The following PRRX1 variants were observed in gnomAD, a reference collection of about 807,000 sequenced individuals.
PRRX1 encodes paired related homeobox 1.
A neutral mutation model predicts 24.0 loss-of-function variants in PRRX1; 8 were observed. The ratio of observed to expected loss-of-function variants is 0.33; its 90% CI spans 0.20 to 0.60. PRRX1 has a LOEUF of 0.60. Among genes scored for constraint, PRRX1 ranks in the 20% least tolerant of loss-of-function variants. The pLI, the probability that PRRX1 is intolerant of heterozygous loss-of-function variation, is 0.82. For missense variants in PRRX1, 281 were observed against 322.4 expected (o/e 0.87, Z 0.98); for synonymous variants, 160 against 131.7 (o/e 1.22, Z -1.47).
chr1:170,711,711 C>A (rs1654759273), intron 1 of PRRX1, among the ~76,000 whole-genome samples: 1 of 152,052 alleles, frequency 6.6e-6, no homozygotes, highest in South Asian at 2.1e-4. Flanking sequence ...AGTCTCAGTG[C>A]AAAGGGAAAA....
chr1:170,719,885 C>G lies in PRRX1; in HGVS notation c.401C>G (p.Thr134Ser), dbSNP rs1655026602. Residue 134 changes from threonine (T) to serine (S), a missense_variant, in exon 2 of 4, where the codon ACC (threonine) becomes AGC (serine). Physicochemically the swap from Thr to Ser is moderately conservative, Grantham distance 58. Transcript: ENST00000239461. ...REDLARRVNL[T>S]EARVQVWFQN... is the part of the protein sequence containing the mutation. Reference sequence around the variant, plus strand: ...GACCTTGCCCGCCGGGTGAACCTCACCGAGGCGAGAGTGCAGGTAACTCAA... The same window carrying G: ...GACCTTGCCCGCCGGGTGAACCTCAGCGAGGCGAGAGTGCAGGTAACTCAA... 1.9e-6 allele frequency: 3 copies of G among 1,614,044 alleles called. No homozygotes were observed. The highest frequency in any genetic ancestry group is 2.5e-6 in the Non-Finnish European group (3 of 1,179,986).
chr1:170,729,460 A>G (rs1196543321), intron 3 of PRRX1, among the ~76,000 whole-genome samples: 6 of 152,170 alleles, frequency 3.9e-5, no homozygotes, highest in Non-Finnish European at 8.8e-5. Flanking sequence ...AGTTATTTGC[A>G]TATGGTCAGA....
In PRRX1 at chr1:170,719,960, GAAAACTGT is replaced by G. The variant is rs1027623306; in HGVS notation, c.417+60_417+67del. The G allele has an allele frequency of 4.4e-6, 7 of 1,596,228 alleles. No homozygotes were observed. In the African/African-American group the frequency reaches 9.4e-5, roughly 21 times the overall value. On this transcript the variant is annotated intron_variant, in intron 2 of 3. Transcript: ENST00000239461. ...GTACCCTCCTCAGAGGCACATCTCT[GAAAACTGT>G]TTAAAAACACAAATTATAGCCCAGC... is the stretch of plus-strand genomic sequence containing the variant.
intron 2 of PRRX1, among the ~76,000 whole-genome samples, chr1:170,721,758 C>G (rs1655091925): frequency 6.6e-6 from 1 of 152,122 alleles, no homozygotes; most frequent in African/African-American, 2.4e-5. Flanking sequence ...TCTTCCCACA[C>G]CCTCTTCCTC....
intron 1 of PRRX1, among the ~76,000 whole-genome samples, chr1:170,666,878 G>T (rs1186746370): frequency 6.6e-6 from 1 of 152,010 alleles, no homozygotes; most frequent in African/African-American, 2.4e-5. Context: ...GCTATGGAGC[G>T]CCCCCGAGCA....
Position 170,730,237 on chromosome 1 carries a change from G to A in PRRX1, c.599+3836G>A, listed in dbSNP as rs114108551. 969 of 1,506,638 alleles carry A rather than the reference G, an allele frequency of 6.4e-4. 10 individuals are homozygous for A. In the African/African-American group the frequency reaches 0.011, roughly 18 times the overall value. 93.3% of individuals were successfully genotyped at this position (1,506,638 alleles called of 1,614,324 possible). ...TGGTGCTGCCTGACATCTGCTGAACGCATTTGGCTTATTTCTCCCTTTCAC... is the reference window on the plus strand; with the variant it reads ...TGGTGCTGCCTGACATCTGCTGAACACATTTGGCTTATTTCTCCCTTTCAC... On this transcript the variant is annotated intron_variant, in intron 3 of 3. Transcript: ENST00000239461.
intron 1 of PRRX1, among the ~76,000 whole-genome samples, chr1:170,674,959 C>T (rs2101887656): frequency 6.6e-6 from 1 of 152,272 alleles, no homozygotes; most frequent in South Asian, 2.1e-4. Context: ...CATTAACATT[C>T]TTCATTATTG....
intron 1 of PRRX1, 24 bp from the exon 2 acceptor site, chr1:170,719,702 T>C: frequency 6.2e-7 from 1 of 1,613,458 alleles, no homozygotes. Context: ...TTTGGCTTCT[T>C]TTCATCATTG....
At chr1:170,694,541 G>A (rs553843727) in intron 1 of PRRX1, among the ~76,000 whole-genome samples, 3 of 152,210 alleles carry the variant, frequency 2.0e-5, no homozygotes, top group East Asian at 1.9e-4. Context: ...CTAGTCACAC[G>A]GGTTGAGAAG....
At chr1:170,666,200 C>G (rs995027251) in intron 1 of PRRX1, among the ~76,000 whole-genome samples, 7 of 152,040 alleles carry the variant, frequency 4.6e-5, no homozygotes, top group Non-Finnish European at 8.8e-5. Flanking sequence ...GCGGGCAGAT[C>G]ACGAGGTCAG....
At chr1:170,686,260 T>C (rs953458557) in intron 1 of PRRX1, among the ~76,000 whole-genome samples, 12 of 151,064 alleles carry the variant, frequency 7.9e-5, no homozygotes, top group Non-Finnish European at 1.6e-4. Flanking sequence ...AAATGGCAGC[T>C]CGGAAAAAAT....
At chr1:170,726,074 T>C in intron 2 of PRRX1, 146 bp from the exon 3 acceptor site, 1 of 793,348 alleles carries the variant, frequency 1.3e-6, no homozygotes, top group South Asian at 1.6e-5. Flanking sequence ...GTTTCTATTG[T>C]TCTACGGAGA....
At chr1:170,725,466 C>A (rs535170681) in intron 2 of PRRX1, among the ~76,000 whole-genome samples, 2 of 152,228 alleles carry the variant, frequency 1.3e-5, no homozygotes, top group African/African-American at 4.8e-5. Context: ...GGAGAGTGCC[C>A]TGCCTTCAGC....
intron 3 of PRRX1, chr1:170,730,503 A>G (rs554589873): frequency 2.3e-4 from 146 of 643,524 alleles, no homozygotes; most frequent in African/African-American, 1.5e-3. Flanking sequence ...GCAAGAAAGC[A>G]TGTCCACTAA....
chr1:170,697,034 A>G lies in PRRX1; in HGVS notation c.242-22692A>G, dbSNP rs1358508286. ...AGTTTTCATGAACATAGCAGACCAA[A>G]CGTGAAGGAACATTCTCTAATCTGG... On this transcript the variant is annotated intron_variant, in intron 1 of 3. Transcript: ENST00000239461. Among the ~76,000 whole-genome samples, 4 of 152,150 alleles carry G rather than the reference A, an allele frequency of 2.6e-5. 1 individual carries two copies. Among genetic ancestry groups the G allele is most frequent in the Admixed American group, 2.6e-4 (4 of 15,262 alleles).
chr1:170,682,710 C>T (rs912494617), intron 1 of PRRX1, among the ~76,000 whole-genome samples: 3 of 152,034 alleles, frequency 2.0e-5, no homozygotes, highest in African/African-American at 4.8e-5. Context: ...AAAATAAACA[C>T]GTTGCTTTTT....
intron 1 of PRRX1, among the ~76,000 whole-genome samples, chr1:170,687,225 G>T (rs1047655897): frequency 5.9e-5 from 9 of 151,996 alleles, no homozygotes; most frequent in Admixed American, 3.9e-4. Context: ...TGTGAAGGCT[G>T]GTTTTTAAAC....
intron 1 of PRRX1, among the ~76,000 whole-genome samples, chr1:170,683,960 C>A (rs557260413): frequency 5.5e-4 from 83 of 152,282 alleles, no homozygotes; most frequent in African/African-American, 1.9e-3. Context: ...ATACCCACCA[C>A]CAGTTTTTTG....
At chr1:170,734,662 T>C (rs77573221) in intron 3 of PRRX1, among the ~76,000 whole-genome samples, 47 of 148,270 alleles carry the variant, frequency 3.2e-4, no homozygotes, top group African/African-American at 9.4e-4. Flanking sequence ...CATGTATGTG[T>C]GCACACACAC....
Sources: allele counts gnomAD v4.1 joint callset (sites outside exome capture counted in the v4.1 genomes callset), GRCh38; gene constraint gnomAD v4.1.1; transcripts MANE v1.5; gene names NCBI Gene and HGNC (gene_info 2026-07-23, HGNC 2026-07-21).